MRO: variants seen among roughly 807,000 people sequenced by gnomAD.
MRO encodes maestro.
Under a neutral mutation model 31.0 loss-of-function variants are expected in MRO, and 28 were observed. The observed-to-expected ratio is 0.90, with a 90% confidence interval of 0.67 to 1.24. MRO has a LOEUF of 1.24. Among genes scored for constraint, MRO ranks in the 50% most tolerant of loss-of-function variants. MRO has a pLI of 0.00. For missense variants in MRO, 332 were observed against 289.2 expected, an observed-to-expected ratio of 1.15 and a Z score of -1.07; for synonymous variants, 108 against 108.4, an observed-to-expected ratio of 1.00 and a Z score of 0.02.
chr18:50,821,487 C>A (rs1346985590), upstream of MRO, among the ~76,000 whole-genome samples: 2 of 152,200 alleles, frequency 1.3e-5, no homozygotes, highest in Non-Finnish European at 2.9e-5. Flanking sequence ...ATATACTGAA[C>A]TAATCCATGT....
chr18:50,819,342 T>C lies in MRO; in HGVS notation c.-5+239A>G, dbSNP rs1056341442. 5.5e-6 allele frequency: 4 copies of C among 730,412 alleles called. No homozygotes were observed. In the African/African-American group the frequency reaches 7.7e-5, roughly 14 times the overall value. The allele number at this position is 730,412 out of a possible 1,614,324, so 45.2% of individuals were successfully genotyped here. On this transcript the variant is annotated intron_variant, in intron 2 of 7. Transcript: ENST00000398439. ...TTCTATTATATTGCTGACAATAGAA[T>C]GATCTATAACCCAACTATTGATCGA... is the stretch of plus-strand genomic sequence containing the variant.
chr18:50,816,269 C>G (rs1352450113), intron 2 of MRO: 1 of 152,460 alleles, frequency 6.6e-6, no homozygotes, highest in Admixed American at 6.5e-5. Context: ...AAAAGTGCAG[C>G]TATTGATAAT....
At chr18:50,800,727 A>T (rs1248835436) in intron 6 of MRO, among the ~76,000 whole-genome samples, 4 of 152,136 alleles carry the variant, frequency 2.6e-5, no homozygotes, top group Non-Finnish European at 5.9e-5. Flanking sequence ...TCTACTTAAA[A>T]TACAAAAAAT....
At chr18:50,822,962 T>C (rs1274057808), upstream of MRO, among the ~76,000 whole-genome samples, 1 of 151,992 alleles carries the variant, frequency 6.6e-6, no homozygotes, top group Admixed American at 6.6e-5. Context: ...AAGGCAGGAA[T>C]TGATAAGAGC....
At position 50,801,518 on chromosome 18, in the gene MRO, C is replaced by T. The variant is rs754052527; in HGVS notation, c.430-14G>A. The T allele has an allele frequency of 1.3e-6, 2 of 1,571,922 alleles. No individual in the cohort carries two copies. Among genetic ancestry groups the T allele is most frequent in the Non-Finnish European group, 1.7e-6 (2 of 1,159,856 alleles). ...ACTGTCGTTCTCCTGCGGTCCCCAT[C>T]AACAAAACAATAAGAAAGCCAGATC... On this transcript the variant is annotated splice_polypyrimidine_tract_variant and intron_variant, in intron 5 of 7. Transcript: ENST00000398439.
At chr18:50,822,717 T>C (rs1291458495), upstream of MRO, among the ~76,000 whole-genome samples, 1 of 45,638 alleles carries the variant, frequency 2.2e-5, no homozygotes, top group Non-Finnish European at 4.1e-5. Context: ...GCCCCCCAGC[T>C]AAGCTAAACT....
chr18:50,801,333 A>G lies in MRO; in HGVS notation c.585+16T>C. 3 of 1,545,324 alleles carry G rather than the reference A, an allele frequency of 1.9e-6. No homozygotes were observed. The highest frequency in any genetic ancestry group is 2.6e-6 in the Non-Finnish European group (3 of 1,142,156). On this transcript the variant is annotated intron_variant, in intron 6 of 7. Coordinates refer to ENST00000398439, the MANE Select transcript of MRO (RefSeq NM_031939.6). ...ATGGAGATGTCACTCTGTTGGTTGC[A>G]GAGTCAAGGTCTTACCTTGGCAACC...
In MRO at chr18:50,796,868, G is replaced by C. The variant is rs1031482869; in HGVS notation, c.*2469C>G. On this transcript the variant is annotated 3_prime_UTR_variant, in exon 8 of 8. Transcript: ENST00000398439. ...GGCCAGGCTCTGTGGTAGGTATGGT[G>C]AGAAACAGAAACAAACAAACAAAAA... The C allele has an allele frequency of 6.6e-6, 1 of 152,110 alleles. No homozygotes were observed. Among genetic ancestry groups the C allele is most frequent in the Non-Finnish European group, 1.5e-5 (1 of 68,008 alleles). 9.4% of individuals were successfully genotyped at this position (152,110 alleles called of 1,614,324 possible).
In MRO at chr18:50,797,474, GCATGACTCATTGGGGGCCAC is replaced by G. The variant is rs1250987564; in HGVS notation, c.*1843_*1862del. 2 of 152,182 alleles carry G rather than the reference GCATGACTCATTGGGGGCCAC, an allele frequency of 1.3e-5. No homozygotes were observed. Among genetic ancestry groups the G allele is most frequent in the Non-Finnish European group, 2.9e-5 (2 of 68,050 alleles). The allele number at this position is 152,182 out of a possible 1,614,324, so 9.4% of individuals were successfully genotyped here. On this transcript the variant is annotated 3_prime_UTR_variant, in exon 8 of 8. Coordinates refer to ENST00000398439, the MANE Select transcript of MRO (RefSeq NM_031939.6). ...TAAATAAAGACATGAGTATCAGGAG[GCATGACTCATTGGGGGCCAC>G]CAAAATAAAAGCCTACCATTGAATC... is the stretch of plus-strand genomic sequence containing the variant.
intron 3 of MRO, among the ~76,000 whole-genome samples, chr18:50,808,930 G>A (rs1170159609): frequency 4.0e-5 from 6 of 150,990 alleles, no homozygotes; most frequent in African/African-American, 7.3e-5. Flanking sequence ...GAGGTCAGGA[G>A]ATCGAGACCA....
upstream of MRO, chr18:50,820,158 A>T (rs1429841180): frequency 1.6e-6 from 1 of 606,482 alleles, no homozygotes; most frequent in South Asian, 2.0e-5. Flanking sequence ...CCTTCCTTAC[A>T]TAATCCTGTT....
intron 3 of MRO, among the ~76,000 whole-genome samples, chr18:50,808,240 G>A (rs1358926659): frequency 2.0e-5 from 3 of 152,068 alleles, no homozygotes; most frequent in Non-Finnish European, 4.4e-5. Context: ...CCAGAAGACA[G>A]CAACATGTGC....
At chr18:50,803,211 T>C (rs930661333) in intron 5 of MRO, among the ~76,000 whole-genome samples, 3 of 151,834 alleles carry the variant, frequency 2.0e-5, no homozygotes, top group African/African-American at 4.8e-5. Context: ...GCAACCAGGG[T>C]TTAAAAAAAT....
chr18:50,800,361 C>T (rs563176180), intron 6 of MRO, among the ~76,000 whole-genome samples: 2 of 152,294 alleles, frequency 1.3e-5, no homozygotes, highest in East Asian at 3.9e-4. Flanking sequence ...CGTAGCTTTA[C>T]AGTTTAGCAC....
chr18:50,801,378 A>T lies in MRO; in HGVS notation c.556T>A (p.Leu186Ile). ...KQTRDSLLIH[L>I]QDRNPQVAKA... Reference sequence around the variant, plus strand: ...GCAACCTGGGGATTTCTGTCCTGTAAATGGATCAGGAGGGAATCTCGTGTC... The same window carrying T: ...GCAACCTGGGGATTTCTGTCCTGTATATGGATCAGGAGGGAATCTCGTGTC... Residue 186 changes from leucine to isoleucine, a missense_variant, in exon 6 of 8, where the codon TTA becomes ATA. Physicochemically the swap from Leu to Ile is conservative, Grantham distance 5. Coordinates refer to ENST00000398439, the MANE Select transcript of MRO (RefSeq NM_031939.6). 6.2e-7 allele frequency: 1 copy of T among 1,604,140 alleles called. No individual in the cohort carries two copies.
intron 3 of MRO, among the ~76,000 whole-genome samples, chr18:50,807,469 T>C (rs978657657): frequency 2.0e-5 from 3 of 152,158 alleles, no homozygotes; most frequent in Non-Finnish European, 4.4e-5. Flanking sequence ...GCAAAGCATA[T>C]CTGCAAACAT....
chr18:50,799,590 T>G lies in MRO; in HGVS notation c.694-200A>C, dbSNP rs566931292. On this transcript the variant is annotated intron_variant, in intron 7 of 7. Coordinates refer to ENST00000398439, the MANE Select transcript of MRO (RefSeq NM_031939.6). ...CCTCTAGGCGTTTTGCCATTTACAT[T>G]GTATGATGGGTCAATTACAATCAAA... Among the ~76,000 whole-genome samples, 7 of 152,242 alleles carry G rather than the reference T, an allele frequency of 4.6e-5. No homozygotes were observed. In the South Asian group the frequency reaches 1.0e-3, roughly 23 times the overall value.
At chr18:50,823,316 C>T (rs1182331016), upstream of MRO, among the ~76,000 whole-genome samples, 1 of 152,166 alleles carries the variant, frequency 6.6e-6, no homozygotes, top group Non-Finnish European at 1.5e-5. Context: ...TCTTTGAATG[C>T]AATAGATGCT....
chr18:50,800,685 G>A (rs540318635), intron 6 of MRO, among the ~76,000 whole-genome samples: 28 of 152,178 alleles, frequency 1.8e-4, no homozygotes, highest in Non-Finnish European at 3.8e-4. Context: ...AGGAGTTCGA[G>A]ACCAGCCTGG....
Sources: allele counts gnomAD v4.1 joint callset (sites outside exome capture counted in the v4.1 genomes callset), GRCh38; gene constraint gnomAD v4.1.1; transcripts MANE v1.5; gene names NCBI Gene and HGNC (gene_info 2026-07-23, HGNC 2026-07-21).